Variants in IFFO1 observed in about 807,000 individuals in gnomAD.
The protein encoded by IFFO1 is non-homologous end joining factor IFFO1.
Under a neutral mutation model 59.6 loss-of-function variants are expected in IFFO1, and 42 were observed. The observed-to-expected ratio is 0.70, with a 90% CI of 0.55 to 0.91. The LOEUF (loss-of-function observed/expected upper bound fraction) is 0.91. Ranked by LOEUF, IFFO1 falls within the 40% of genes least tolerant of loss-of-function variation. The pLI, the probability that IFFO1 is intolerant of heterozygous loss-of-function variation, is 0.00. For synonymous variants in IFFO1, 336 were observed against 342.8 expected (o/e 0.98, Z 0.22); for missense variants, 711 against 793.2 (o/e 0.90, Z 1.24).
chr12:6,540,721 G>T, intron 9 of IFFO1, 133 bp from the exon 10 acceptor site: 2 of 755,006 alleles, frequency 2.6e-6, no homozygotes, highest in South Asian at 1.7e-5. Flanking sequence ...CCGCGGGATG[G>T]CGAGGGAGCG....
At position 6,546,794 on chromosome 12, in the gene IFFO1, A is replaced by G. The variant is rs544365456; in HGVS notation, c.1479+1271T>C. ...GTGAGCCACCGCGCCCGGCCTCCAC[A>G]AATCCTTCTTGCAGCTCCTAAAGCC... On this transcript the variant is annotated intron_variant, in intron 8 of 9. Transcript: ENST00000619571. Among the ~76,000 whole-genome samples the G allele has an allele frequency of 6.9e-4, 105 of 152,168 alleles. 1 individual carries two copies. The South Asian group carries it at 0.02, about 29-fold the overall frequency.
At position 6,541,557 on chromosome 12, in the gene IFFO1, A is replaced by G; in HGVS notation, c.1565T>C (p.Val522Ala). Reference protein sequence around the residue: ...EMCSMKRGLDVQMETCRRLIT... With the variant: ...EMCSMKRGLDAQMETCRRLIT... Reference sequence around the variant, plus strand: ...GAGCCGGCGGCAGGTCTCCATCTGCACGTCCAGGCCGCGCTTCATGCTGCA... The same window carrying G: ...GAGCCGGCGGCAGGTCTCCATCTGCGCGTCCAGGCCGCGCTTCATGCTGCA... Residue 522 changes from valine (V) to alanine (A), a missense_variant, in exon 9 of 10, where the codon GTG becomes GCG. Around this residue, in one of 3 missense-constraint regions of IFFO1, gnomAD observed 579 missense variants for 650.3 expected, o/e 0.89. Coordinates refer to ENST00000619571, the MANE Select transcript of IFFO1 (RefSeq NM_001193457.2). This position sits in a 1 kb window ranked among gnomAD's most constrained non-coding sequence, Gnocchi z 4.8. 1.2e-6 allele frequency: 2 copies of G among 1,614,158 alleles called. No homozygotes were observed. The highest frequency in any genetic ancestry group is 1.1e-5 in the South Asian group (1 of 91,088).
chr12:6,551,047 T>C (rs767057674), intron 1 of IFFO1, 46 bp from the exon 2 acceptor site: 3 of 1,593,644 alleles, frequency 1.9e-6, no homozygotes, highest in African/African-American at 2.7e-5. Context: ...ACAGAGTCCT[T>C]CCCTGCCCCC....
chr12:6,553,774 T>A (rs1947330920), intron 1 of IFFO1, among the ~76,000 whole-genome samples: 1 of 152,126 alleles, frequency 6.6e-6, no homozygotes, highest in African/African-American at 2.4e-5. Flanking sequence ...CCTGTCTCAA[T>A]ATTTTAAGTC....
In IFFO1 at chr12:6,548,328, G is replaced by A. The variant is rs1947063221; in HGVS notation, c.1383+97C>T. The A allele has an allele frequency of 4.8e-6, 7 of 1,447,640 alleles. No individual in the cohort carries two copies. In the Admixed American group the frequency reaches 1.1e-4, roughly 23 times the overall value. The allele number at this position is 1,447,640 out of a possible 1,614,324, so 89.7% of individuals were successfully genotyped here. A position where few individuals can be genotyped will look rare whatever the true frequency, so the allele number is the denominator to read the frequency against. On this transcript the variant is annotated intron_variant, in intron 7 of 9. Coordinates refer to ENST00000619571, the MANE Select transcript of IFFO1 (RefSeq NM_001193457.2). This position sits in a 1 kb window ranked among gnomAD's most constrained non-coding sequence, Gnocchi z 6.1. ...GGGGAGACGCAGGTAGAGGATGACA[G>A]CCACATGGGGGGACAGAGCAAGGAG...
In IFFO1 at chr12:6,548,952, G is replaced by C; in HGVS notation, c.1081-103C>G. On this transcript the variant is annotated intron_variant, in intron 5 of 9. Transcript: ENST00000619571. The surrounding 1 kb of genome is among the most constrained non-coding windows in gnomAD (Gnocchi z 6.1). ...AAGCATGAACCAGTAGGAAGGGGGG[G>C]CAGACAGAGAGAAAAGTCACAGTTA... is the stretch of plus-strand genomic sequence containing the variant. 5.4e-6 allele frequency: 5 copies of C among 924,542 alleles called. No individual in the cohort carries two copies. The highest frequency in any genetic ancestry group is 8.1e-6 in the Non-Finnish European group (5 of 616,460). 57.3% of individuals were successfully genotyped at this position (924,542 alleles called of 1,614,324 possible). A position where few individuals can be genotyped will look rare whatever the true frequency, so the allele number is the denominator to read the frequency against.
Position 6,549,654 on chromosome 12 carries a change from G to A in IFFO1, c.1071+102C>T. 6.7e-7 allele frequency: 1 copy of A among 1,499,494 alleles called. No homozygotes were observed. Among genetic ancestry groups the A allele is most frequent in the Non-Finnish European group, 9.1e-7 (1 of 1,096,562 alleles). The allele number at this position is 1,499,494 out of a possible 1,614,324, so 92.9% of individuals were successfully genotyped here. A position where few individuals can be genotyped will look rare whatever the true frequency, so the allele number is the denominator to read the frequency against. On this transcript the variant is annotated intron_variant, in intron 4 of 9. Transcript: ENST00000619571. This position sits in a 1 kb window ranked among gnomAD's most constrained non-coding sequence, Gnocchi z 5.0. Reference sequence around the variant, plus strand: ...GTGAGGGCCCCAGTTGCCAGGTAAGGCTCCCCAAGCAGGAGGCAGGGCCTG... The same window carrying A: ...GTGAGGGCCCCAGTTGCCAGGTAAGACTCCCCAAGCAGGAGGCAGGGCCTG...
At chr12:6,547,753 G>C (rs1217693022) in intron 8 of IFFO1, among the ~76,000 whole-genome samples, 1 of 150,342 alleles carries the variant, frequency 6.7e-6, no homozygotes, top group African/African-American at 2.5e-5. Flanking sequence ...GAGAGAGAGA[G>C]AGAAAGGAAG....
downstream of IFFO1, chr12:6,539,005 C>T (rs528524533): frequency 7.2e-5 from 11 of 152,204 alleles, no homozygotes; most frequent in African/African-American, 2.4e-4. Flanking sequence ...GTCAGGGTGA[C>T]TTATTTCCAT....
Position 6,555,437 on chromosome 12 carries a change from G to A in IFFO1, c.593C>T (p.Ser198Leu), listed in dbSNP as rs1266563445. The change falls in exon 1 of 10, where the codon TCG (serine) becomes TTG (leucine). Residue 198 changes from serine (S) to leucine (L), a missense_variant. Ser to Leu is a moderately radical substitution (Grantham distance 145). Coordinates refer to ENST00000619571, the MANE Select transcript of IFFO1 (RefSeq NM_001193457.2). This position sits in a 1 kb window ranked among gnomAD's most constrained non-coding sequence, Gnocchi z 8.6. ...SARFMPGTIW[S>L]FSHARRLGPG... ...CCCGAGCCGGCGGGCGTGCGAGAACGACCAGATGGTGCCGGGCATGAAGCG... is the reference window on the plus strand; with the variant it reads ...CCCGAGCCGGCGGGCGTGCGAGAACAACCAGATGGTGCCGGGCATGAAGCG... The A allele has an allele frequency of 1.2e-6, 2 of 1,613,902 alleles. No individual in the cohort carries two copies. Among genetic ancestry groups the A allele is most frequent in the South Asian group, 1.1e-5 (1 of 91,072 alleles).
chr12:6,541,437 T>A lies in IFFO1; in HGVS notation c.1610+75A>T, dbSNP rs1030603524. 26 of 1,569,342 alleles carry A rather than the reference T, an allele frequency of 1.7e-5. No individual in the cohort carries two copies. The Middle Eastern group carries it at 6.8e-4, about 41-fold the overall frequency. The stretch of plus-strand genomic sequence containing the variant: ...ATGTGACCCAGTCATTGCCTGAGGG[T>A]CTCTGGGGCTGTGTTCCAACCTTTC... On this transcript the variant is annotated intron_variant, in intron 9 of 9. Transcript: ENST00000619571. This position sits in a 1 kb window ranked among gnomAD's most constrained non-coding sequence, Gnocchi z 4.8.
In IFFO1 at chr12:6,540,439, G is replaced by GGGTGC; in HGVS notation, c.*43_*44insGCACC. On this transcript the variant is annotated 3_prime_UTR_variant, in exon 10 of 10. Transcript: ENST00000619571. ...GCAGCCCCACCCTCTGCCTCGCTGAGCTCCCTGCTGCGAGGGCCTCGGGTG... is the reference window on the plus strand; with the variant it reads ...GCAGCCCCACCCTCTGCCTCGCTGAGGGTGCCTCCCTGCTGCGAGGGCCTCGGGTG... 1 of 1,486,004 alleles carries GGGTGC rather than the reference G, an allele frequency of 6.7e-7. No homozygotes were observed. Among genetic ancestry groups the GGGTGC allele is most frequent in the South Asian group, 1.1e-5 (1 of 88,622 alleles). 92.1% of individuals were successfully genotyped at this position (1,486,004 alleles called of 1,614,324 possible).
At chr12:6,550,468 T>C (rs1310802207) in intron 3 of IFFO1, 3 of 571,468 alleles carry the variant, frequency 5.2e-6, no homozygotes, top group African/African-American at 3.7e-5. Flanking sequence ...CTAACTGCTC[T>C]GCAACCCCAG....
Position 6,550,754 on chromosome 12 carries a change from C to T in IFFO1, c.871G>A (p.Ala291Thr). Residue 291 changes from alanine to threonine, a missense_variant, in exon 3 of 10, where the codon GCA becomes ACA. Physicochemically the swap from Ala to Thr is moderately conservative, Grantham distance 58. Coordinates refer to ENST00000619571, the MANE Select transcript of IFFO1 (RefSeq NM_001193457.2). ...QEADACQEELALKVEQLKAEL... is the reference protein window; with the variant it reads ...QEADACQEELTLKVEQLKAEL... ...GCCTTCAACTGTTCCACCTTCAGTG[C>T]CAGCTCCTCCTGGCAGGCATCAGCC... is the stretch of plus-strand genomic sequence containing the variant. 1 of 1,614,190 alleles carries T rather than the reference C, an allele frequency of 6.2e-7. No individual in the cohort carries two copies. Among genetic ancestry groups the T allele is most frequent in the Non-Finnish European group, 8.5e-7 (1 of 1,180,018 alleles).
At chr12:6,553,173 G>A (rs958751403) in intron 1 of IFFO1, among the ~76,000 whole-genome samples, 7 of 152,166 alleles carry the variant, frequency 4.6e-5, no homozygotes, top group African/African-American at 1.7e-4. Context: ...AGGGAATCTA[G>A]GGAGGAAGAA....
chr12:6,541,703 C>T lies in IFFO1; in HGVS notation c.1480-61G>A, dbSNP rs1300307078. On this transcript the variant is annotated intron_variant, in intron 8 of 9. Coordinates refer to ENST00000619571, the MANE Select transcript of IFFO1 (RefSeq NM_001193457.2). This position sits in a 1 kb window ranked among gnomAD's most constrained non-coding sequence, Gnocchi z 4.8. ...GGTGGCGTTCACAGCGCCTCTGTTG[C>T]CCCCGCCAGGAGGCCAACACGCCAA... 3.1e-6 allele frequency: 5 copies of T among 1,601,928 alleles called. No homozygotes were observed. Among genetic ancestry groups the T allele is most frequent in the Non-Finnish European group, 4.3e-6 (5 of 1,174,392 alleles).
chr12:6,552,476 C>A (rs1452852413), intron 1 of IFFO1, among the ~76,000 whole-genome samples: 1 of 152,202 alleles, frequency 6.6e-6, no homozygotes, highest in Non-Finnish European at 1.5e-5. Flanking sequence ...ACTAAGGGAA[C>A]CAGTCGCATC....
rs531841866 is a variant in IFFO1, at chr12:6,546,710, C to T, written c.1479+1355G>A. Among the ~76,000 whole-genome samples the T allele has an allele frequency of 2.6e-5, 4 of 152,120 alleles. No individual in the cohort carries two copies. In the South Asian group the frequency reaches 6.2e-4, roughly 24 times the overall value. ...TTCACCGTGTTAGCCAGGATGGTCTCGATCTCCTGACCTCGTGATCTTCCC... is the reference window on the plus strand; with the variant it reads ...TTCACCGTGTTAGCCAGGATGGTCTTGATCTCCTGACCTCGTGATCTTCCC... On this transcript the variant is annotated intron_variant, in intron 8 of 9. Coordinates refer to ENST00000619571, the MANE Select transcript of IFFO1 (RefSeq NM_001193457.2).
chr12:6,548,381 G>GAGAGGC lies in IFFO1; in HGVS notation c.1383+38_1383+43dup, dbSNP rs760751371. ...GAGCGGGGGAGTGGGCTTCAGGCTG[G>GAGAGGC]AGAGGCAGAGCCAGAGGGCCCTGAG... is the stretch of plus-strand genomic sequence containing the variant. On this transcript the variant is annotated intron_variant, in intron 7 of 9. Transcript: ENST00000619571. This position sits in a 1 kb window ranked among gnomAD's most constrained non-coding sequence, Gnocchi z 6.1. The GAGAGGC allele has an allele frequency of 1.3e-4, 201 of 1,578,118 alleles. No individual in the cohort carries two copies. Among genetic ancestry groups the GAGAGGC allele is most frequent in the Non-Finnish European group, 1.7e-4 (196 of 1,162,734 alleles).
Sources: gnomAD v4.1 joint callset for allele counts (sites outside exome capture counted in the v4.1 genomes callset) on GRCh38, gnomAD v4.1.1 for gene constraint, gnomAD v4.1.1 regional missense constraint, Gnocchi (gnomAD v3.1) non-coding constraint, MANE v1.5 for transcripts, NCBI Gene and HGNC (gene_info 2026-07-23, HGNC 2026-07-21) for gene names.